The following MYO1D variants were observed in gnomAD, a reference collection of about 807,000 sequenced individuals.
MYO1D encodes the protein myosin ID.
In MYO1D, 83 loss-of-function variants were observed where a neutral mutation model predicts 122.0. That is an observed-to-expected ratio of 0.68 (90% confidence interval 0.57 to 0.82). The LOEUF is 0.82. MYO1D is among the 40% of genes least tolerant of loss of function. MYO1D has a pLI of 0.00. For synonymous variants in MYO1D, 464 were observed against 446.9 expected, an observed-to-expected ratio of 1.04 and a Z score of -0.48; for missense variants, 1,157 against 1,269.5, an observed-to-expected ratio of 0.91 and a Z score of 1.35.
chr17:32,786,997 G>A (rs1434666935), intron 1 of MYO1D, among the ~76,000 whole-genome samples: 1 of 151,888 alleles, frequency 6.6e-6, no homozygotes, highest in African/African-American at 2.4e-5. Context: ...AGAACATTCT[G>A]TATGAAAGCA....
chr17:32,585,082 C>T (rs760376088), intron 21 of MYO1D, among the ~76,000 whole-genome samples: 7 of 152,152 alleles, frequency 4.6e-5, no homozygotes, highest in South Asian at 2.1e-4. Flanking sequence ...AGCTAGGCTG[C>T]GCTTGGGTTG....
chr17:32,638,702 G>C lies in MYO1D; in HGVS notation c.2709+20C>G, dbSNP rs1329505538. 1 of 1,530,594 alleles carries C rather than the reference G, an allele frequency of 6.5e-7. No homozygotes were observed. Among genetic ancestry groups the C allele is most frequent in the East Asian group, 2.3e-5 (1 of 44,398 alleles). The allele number at this position is 1,530,594 out of a possible 1,614,324, so 94.8% of individuals were successfully genotyped here. ...ACCAGGTTAAGAATCTTTATCCAGA[G>C]AGAAGCACAGAGGACTTACATTGTA... On this transcript the variant is annotated intron_variant, in intron 20 of 21. Transcript: ENST00000318217.
chr17:32,710,414 CTA>C (rs925201404), intron 16 of MYO1D, among the ~76,000 whole-genome samples: 2 of 152,004 alleles, frequency 1.3e-5, no homozygotes, highest in African/African-American at 4.8e-5. Flanking sequence ...AACTAGTTTC[CTA>C]TATAAAACCA....
chr17:32,853,959 T>A (rs1479692483), intron 1 of MYO1D, among the ~76,000 whole-genome samples: 1 of 152,230 alleles, frequency 6.6e-6, no homozygotes, highest in African/African-American at 2.4e-5. Flanking sequence ...ATTATTAGAA[T>A]CTTCCCCCAA....
At position 32,587,341 on chromosome 17, in the gene MYO1D, G is replaced by A. The variant is rs528742898; in HGVS notation, c.2864+17746C>T. 5.3e-5 allele frequency among the ~76,000 whole-genome samples: 8 copies of A among 152,042 alleles called. No homozygotes were observed. In the East Asian group the frequency reaches 9.7e-4, roughly 18 times the overall value. On this transcript the variant is annotated intron_variant, in intron 21 of 21. Coordinates refer to ENST00000318217, the MANE Select transcript of MYO1D (RefSeq NM_015194.3). ...AGCTTGGCCAACATGGTGAAACCCCGTTTCTACTAAAAATACAAAAATTAG... is the reference window on the plus strand; with the variant it reads ...AGCTTGGCCAACATGGTGAAACCCCATTTCTACTAAAAATACAAAAATTAG...
At chr17:32,819,372 C>T (rs1055627) in intron 1 of MYO1D, among the ~76,000 whole-genome samples, 79,277 of 151,858 alleles carry the variant, frequency 0.52, 21,335 homozygotes, top group East Asian at 0.72. Flanking sequence ...CCAGCTTCTG[C>T]TTCTGCCTTT....
chr17:32,734,731 CTTGCT>C (rs1187729361), intron 14 of MYO1D: 8 of 151,574 alleles, frequency 5.3e-5, no homozygotes, highest in Admixed American at 5.3e-4. Context: ...TTTTATTTTA[CTTGCT>C]TTGAAGATGA....
At chr17:32,559,412 C>G (rs1389466069) in intron 21 of MYO1D, among the ~76,000 whole-genome samples, 1 of 152,216 alleles carries the variant, frequency 6.6e-6, no homozygotes, top group Non-Finnish European at 1.5e-5. Flanking sequence ...AAACTCGGAG[C>G]TGAGTCTCAC....
At chr17:32,512,249 G>A (rs1203578968) in intron 21 of MYO1D, among the ~76,000 whole-genome samples, 1 of 151,638 alleles carries the variant, frequency 6.6e-6, no homozygotes, top group Non-Finnish European at 1.5e-5. Context: ...GCAGTGAGCA[G>A]AGATGGCGCC....
rs1418910078 is a variant in MYO1D, at chr17:32,494,434, C to T, written c.*325G>A. ...CAGGGAGGACACCTGTCCAGGTGCT[C>T]TGACTTGACCTGGCCACGGGGCATC... On this transcript the variant is annotated 3_prime_UTR_variant, in exon 22 of 22. Coordinates refer to ENST00000318217, the MANE Select transcript of MYO1D (RefSeq NM_015194.3). The T allele has an allele frequency of 7.1e-6, 2 of 282,842 alleles. No individual in the cohort carries two copies. The highest frequency in any genetic ancestry group is 1.3e-5 in the Non-Finnish European group (2 of 149,054). 17.5% of individuals were successfully genotyped at this position (282,842 alleles called of 1,614,324 possible).
chr17:32,852,778 G>A (rs1283720949), intron 1 of MYO1D, among the ~76,000 whole-genome samples: 1 of 151,810 alleles, frequency 6.6e-6, no homozygotes, highest in Non-Finnish European at 1.5e-5. Context: ...TATAAATTTA[G>A]ATAAAAAAAG....
intron 12 of MYO1D, among the ~76,000 whole-genome samples, chr17:32,748,575 C>T (rs533727859): frequency 2.0e-5 from 3 of 152,204 alleles, no homozygotes; most frequent in East Asian, 1.9e-4. Flanking sequence ...ACGTACATGC[C>T]TATACTCTTC....
chr17:32,750,351 C>T (rs1253649787), intron 11 of MYO1D, among the ~76,000 whole-genome samples: 2 of 152,112 alleles, frequency 1.3e-5, no homozygotes, highest in Non-Finnish European at 2.9e-5. Flanking sequence ...TGGTGGCTCA[C>T]GTCTGTAATC....
rs148294209 is a variant in MYO1D, at chr17:32,815,834, T to C, written c.96-35050A>G. Among the ~76,000 whole-genome samples the C allele has an allele frequency of 1.3e-3, 198 of 152,372 alleles. 1 individual carries two copies. The South Asian group carries it at 0.013, about 10-fold the overall frequency. ...CCTGTATAGACCACAAGCCCCAGTT[T>C]CTAGGTACATTTTCCTATGTAAATT... On this transcript the variant is annotated intron_variant, in intron 1 of 21. Transcript: ENST00000318217.
chr17:32,832,445 G>A (rs565570188), intron 1 of MYO1D, among the ~76,000 whole-genome samples: 37 of 151,952 alleles, frequency 2.4e-4, no homozygotes, highest in Admixed American at 1.9e-3. Flanking sequence ...GACTACAGGC[G>A]CCCGCCACCA....
chr17:32,584,522 A>G (rs917781389), intron 21 of MYO1D, among the ~76,000 whole-genome samples: 4 of 149,552 alleles, frequency 2.7e-5, no homozygotes, highest in Non-Finnish European at 4.4e-5. Context: ...TTTTCGAGCC[A>G]GGGTCTCACA....
At chr17:32,662,234 C>T (rs896951802) in intron 16 of MYO1D, among the ~76,000 whole-genome samples, 1 of 152,162 alleles carries the variant, frequency 6.6e-6, no homozygotes, top group Non-Finnish European at 1.5e-5. Context: ...AGGTGTATGG[C>T]CAATACATTT....
Position 32,519,728 on chromosome 17 carries a change from G to A in MYO1D, c.2865-24813C>T, listed in dbSNP as rs1444175931. Among the ~76,000 whole-genome samples the A allele has an allele frequency of 2.0e-5, 3 of 152,190 alleles. No homozygotes were observed. In the East Asian group the frequency reaches 5.8e-4, roughly 29 times the overall value. On this transcript the variant is annotated intron_variant, in intron 21 of 21. Transcript: ENST00000318217. ...TCTTTCCCGAGAAGGTGATGATTTG[G>A]GGCTTAGATCATCTGCTGGCATATT...
At position 32,798,001 on chromosome 17, in the gene MYO1D, T is replaced by A. The variant is rs139679646; in HGVS notation, c.96-17217A>T. On this transcript the variant is annotated intron_variant, in intron 1 of 21. Transcript: ENST00000318217. ...TGCCCAGTTACAGGTAAGAAAGAAATACGTTTATGCCAATCATTTAACCAT... is the reference window on the plus strand; with the variant it reads ...TGCCCAGTTACAGGTAAGAAAGAAAAACGTTTATGCCAATCATTTAACCAT... Among the ~76,000 whole-genome samples, 395 of 152,298 alleles carry A rather than the reference T, an allele frequency of 2.6e-3. 1 individual carries two copies. Among genetic ancestry groups the A allele is most frequent in the African/African-American group, 8.6e-3 (359 of 41,562 alleles).
Sources: gnomAD v4.1 joint callset for allele counts (sites outside exome capture counted in the v4.1 genomes callset) on GRCh38, gnomAD v4.1.1 for gene constraint, MANE v1.5 for transcripts, NCBI Gene and HGNC (gene_info 2026-07-23, HGNC 2026-07-21) for gene names.